SLC8A3: variants seen among roughly 807,000 people sequenced by gnomAD.
The protein encoded by SLC8A3 is solute carrier family 8 member A3.
In SLC8A3, 37 loss-of-function variants were observed where a neutral mutation model predicts 65.4. That is an observed-to-expected ratio of 0.57 (90% CI 0.44 to 0.74). The LOEUF is 0.74. Ranked by LOEUF, SLC8A3 falls within the 30% of genes least tolerant of loss-of-function variation. SLC8A3 has a pLI of 0.00. For missense variants in SLC8A3, 1,112 were observed against 1,172.1 expected (o/e 0.95, Z 0.75); for synonymous variants, 461 against 444.5 (o/e 1.04, Z -0.47).
At chr14:70,098,642 G>A (rs989890582) in intron 2 of SLC8A3, among the ~76,000 whole-genome samples, 1 of 152,224 alleles carries the variant, frequency 6.6e-6, no homozygotes, top group African/African-American at 2.4e-5. Context: ...ACTGGGGACA[G>A]TCAGCTGTCC....
At chr14:70,187,641 CCG>C (rs1473758805) in intron 1 of SLC8A3, among the ~76,000 whole-genome samples, 14 of 75,342 alleles carry the variant, frequency 1.9e-4, no homozygotes, top group East Asian at 9.6e-4. Flanking sequence ...GTGTGTGTGT[CCG>C]CGCGCGCGTG....
At chr14:70,101,184 C>G (rs1038637372) in intron 2 of SLC8A3, among the ~76,000 whole-genome samples, 6 of 152,114 alleles carry the variant, frequency 3.9e-5, no homozygotes, top group East Asian at 1.9e-4. Flanking sequence ...TGAGGGCAGA[C>G]AGACATAAAA....
chr14:70,167,024 C>G lies in SLC8A3; in HGVS notation c.1399G>C (p.Gly467Arg), dbSNP rs1437170085. The G allele has an allele frequency of 2.5e-6, 4 of 1,613,840 alleles. No homozygotes were observed. Among genetic ancestry groups the G allele is most frequent in the Non-Finnish European group, 3.4e-6 (4 of 1,180,028 alleles). Residue 467 changes from glycine to arginine, a missense_variant, in exon 2 of 7, where the codon GGC becomes CGC. Physicochemically the swap from Gly to Arg is moderately radical, Grantham distance 125. Coordinates refer to ENST00000356921, the MANE Select transcript of SLC8A3 (RefSeq NM_182932.3). ...PGETQKEFSV[G>R]IIDDDIFEED... ...TCAAAAATGTCGTCATCAATTATGC[C>G]CACGGAGAACTCCTTCTGGGTCTCT...
intron 2 of SLC8A3, among the ~76,000 whole-genome samples, chr14:70,110,039 T>C (rs1179013891): frequency 6.7e-6 from 1 of 148,778 alleles, no homozygotes; most frequent in Admixed American, 6.7e-5. Flanking sequence ...ATTTTCTTAA[T>C]TTTTTTTTTT....
chr14:70,078,464 G>A (rs1211510099), intron 2 of SLC8A3, among the ~76,000 whole-genome samples: 2 of 152,138 alleles, frequency 1.3e-5, no homozygotes, highest in Non-Finnish European at 2.9e-5. Flanking sequence ...TTCTCACTTA[G>A]TCATACAACA....
chr14:70,147,105 C>T (rs1031380041), intron 2 of SLC8A3, among the ~76,000 whole-genome samples: 9 of 152,158 alleles, frequency 5.9e-5, no homozygotes, highest in South Asian at 4.2e-4. Context: ...AATAATGAGG[C>T]GTGACTATTT....
intron 2 of SLC8A3, among the ~76,000 whole-genome samples, chr14:70,164,659 G>A (rs1366573379): frequency 6.6e-6 from 1 of 152,144 alleles, no homozygotes; most frequent in African/African-American, 2.4e-5. Context: ...AATGAACTAA[G>A]CCTCTGATCT....
intron 2 of SLC8A3, among the ~76,000 whole-genome samples, chr14:70,136,321 T>C (rs1895197079): frequency 1.3e-5 from 2 of 152,330 alleles, no homozygotes; most frequent in South Asian, 2.1e-4. Context: ...TCCAGAACTG[T>C]GAGGCAATAC....
At chr14:70,063,858 A>G in intron 2 of SLC8A3, 1 of 1,611,976 alleles carries the variant, frequency 6.2e-7, no homozygotes. Flanking sequence ...GCGGGGGCCC[A>G]TCATCTCAAT....
chr14:70,049,120 C>T, intron 5 of SLC8A3, 78 bp from the exon 6 acceptor site: 3 of 1,378,086 alleles, frequency 2.2e-6, no homozygotes, highest in Non-Finnish European at 3.0e-6. Context: ...GCCCAACCCG[C>T]ACCACAGGCA....
At chr14:70,158,868 T>C (rs975774247) in intron 2 of SLC8A3, among the ~76,000 whole-genome samples, 5 of 152,202 alleles carry the variant, frequency 3.3e-5, no homozygotes, top group Non-Finnish European at 7.3e-5. Context: ...GAATGATAAC[T>C]CTCATGCCAT....
chr14:70,060,545 C>T, intron 3 of SLC8A3: 1 of 518,434 alleles, frequency 1.9e-6, no homozygotes, highest in Non-Finnish European at 3.6e-6. Context: ...GGAAATAACT[C>T]ATTAGGGTAA....
chr14:70,102,840 T>C (rs1892629137), intron 2 of SLC8A3, among the ~76,000 whole-genome samples: 1 of 152,014 alleles, frequency 6.6e-6, no homozygotes, highest in Non-Finnish European at 1.5e-5. Context: ...CTAACCTATG[T>C]ACAACTGGAG....
intron 2 of SLC8A3, among the ~76,000 whole-genome samples, chr14:70,143,795 TC>T (rs536208198): frequency 6.6e-6 from 1 of 151,908 alleles, no homozygotes; most frequent in East Asian, 1.9e-4. Flanking sequence ...ACCCCTCTCT[TC>T]CCCCCAGAGA....
At position 70,188,416 on chromosome 14, in the gene SLC8A3, A is replaced by AGGGGGGTGAGGAAG. The variant is rs1215738286; in HGVS notation, c.-114_-101dup. ...GCCTCCCGAGCGGAGTGGGCAAGGG[A>AGGGGGGTGAGGAAG]GGGGGGTGAGGAAGGTACGCGATGC... On this transcript the variant is annotated 5_prime_UTR_variant, in exon 1 of 7. Coordinates refer to ENST00000356921, the MANE Select transcript of SLC8A3 (RefSeq NM_182932.3). The AGGGGGGTGAGGAAG allele has an allele frequency of 3.9e-5, 6 of 151,940 alleles. No individual in the cohort carries two copies. The East Asian group carries it at 1.2e-3, about 30-fold the overall frequency. 9.4% of individuals were successfully genotyped at this position (151,940 alleles called of 1,614,324 possible).
intron 2 of SLC8A3, among the ~76,000 whole-genome samples, chr14:70,099,632 G>A (rs1477629350): frequency 1.3e-5 from 2 of 152,222 alleles, no homozygotes; most frequent in Non-Finnish European, 2.9e-5. Context: ...GGATGGAAAA[G>A]TAAGCTTGAA....
intron 2 of SLC8A3, among the ~76,000 whole-genome samples, chr14:70,147,461 G>T (rs1290790027): frequency 6.6e-6 from 1 of 152,160 alleles, no homozygotes; most frequent in Non-Finnish European, 1.5e-5. Flanking sequence ...AAGTGTGAGT[G>T]GGACCTGTGA....
intron 2 of SLC8A3, among the ~76,000 whole-genome samples, chr14:70,074,658 C>T (rs1890313204): frequency 6.6e-6 from 1 of 152,134 alleles, no homozygotes; most frequent in South Asian, 2.1e-4. Flanking sequence ...AACAGACAGG[C>T]ATAGATCCAG....
chr14:70,086,652 C>T (rs923873428), intron 2 of SLC8A3, among the ~76,000 whole-genome samples: 3 of 152,080 alleles, frequency 2.0e-5, no homozygotes, highest in African/African-American at 4.8e-5. Flanking sequence ...GGTCTGCCCC[C>T]CTCAGCCTCC....
Sources: gnomAD v4.1 joint callset for allele counts (sites outside exome capture counted in the v4.1 genomes callset) on GRCh38, gnomAD v4.1.1 for gene constraint, MANE v1.5 for transcripts, NCBI Gene and HGNC (gene_info 2026-07-23, HGNC 2026-07-21) for gene names.